The following PKD1L1 variants were observed in gnomAD, a reference collection of about 807,000 sequenced individuals.
PKD1L1 encodes the protein polycystin 1 like 1, transient receptor potential channel interacting.
A neutral mutation model predicts 323.4 loss-of-function variants in PKD1L1; 236 were observed. That is an observed-to-expected ratio of 0.73 (90% CI 0.66 to 0.81). The LOEUF is 0.81. Among genes scored for constraint, PKD1L1 ranks in the 40% least tolerant of loss-of-function variants. PKD1L1 has a pLI of 0.00. For synonymous variants in PKD1L1, 1,344 were observed against 1,335.0 expected, an observed-to-expected ratio of 1.01 and a Z score of -0.15; for missense variants, 3,320 against 3,508.0, an observed-to-expected ratio of 0.95 and a Z score of 1.35.
intron 14 of PKD1L1, among the ~76,000 whole-genome samples, chr7:47,894,906 C>T (rs1001012873): frequency 2.0e-5 from 3 of 151,866 alleles, no homozygotes; most frequent in Non-Finnish European, 4.4e-5. Flanking sequence ...CTAATACTTG[C>T]TATTCTTTCA....
In PKD1L1 at chr7:47,834,370, C is replaced by T. The variant is rs201911202; in HGVS notation, c.6143G>A (p.Gly2048Glu). Residue 2048 changes from glycine to glutamate, a missense_variant, in exon 40 of 57, where the codon GGA becomes GAA. Transcript: ENST00000289672. The part of the protein sequence containing the change: ...TEAPHGPNSW[G>E]RIPDAQEPRK... ...TGGCTCCTGTGCGTCTGGTATCCTT[C>T]CCCAGGAATTAGGACCTGATTCAAA... The T allele has an allele frequency of 1.9e-5, 31 of 1,613,886 alleles. No homozygotes were observed. Among genetic ancestry groups the T allele is most frequent in the Non-Finnish European group, 8.5e-6 (10 of 1,179,804 alleles).
At position 47,803,289 on chromosome 7, in the gene PKD1L1, T is replaced by TAGAC. The variant is rs759931520; in HGVS notation, c.7879_7882dup (p.Tyr2628CysfsTer83). The stretch of plus-strand genomic sequence containing the variant: ...CATTGTGTTTTGAATGCCAGGAAGA[T>TAGAC]AGACGCATTTTAATGTGAAGAGGAA... On this transcript the variant is annotated frameshift_variant, in exon 53 of 57. Coordinates refer to ENST00000289672, the MANE Select transcript of PKD1L1 (RefSeq NM_138295.5). LOFTEE classifies it high-confidence loss of function. The TAGAC allele has an allele frequency of 4.3e-6, 7 of 1,613,962 alleles. No individual in the cohort carries two copies. Among genetic ancestry groups the TAGAC allele is most frequent in the Non-Finnish European group, 5.1e-6 (6 of 1,180,040 alleles).
chr7:47,932,673 A>T (rs1199843382), intron 4 of PKD1L1, among the ~76,000 whole-genome samples: 13 of 152,036 alleles, frequency 8.6e-5, no homozygotes. Flanking sequence ...GAGGCACAGC[A>T]GGTTCCTTTC....
intron 18 of PKD1L1, among the ~76,000 whole-genome samples, chr7:47,884,889 G>A (rs1166818053): frequency 6.6e-6 from 1 of 152,088 alleles, no homozygotes; most frequent in Non-Finnish European, 1.5e-5. Context: ...AGCTCCAATA[G>A]GTGTGTGGTT....
Position 47,795,988 on chromosome 7 carries a change from C to A in PKD1L1, c.8355+1G>T. ...CAGTAATCCAAGATCTCACAGCTTA[C>A]GTGATTCTCAACCATCTCAGCCTCT... is the stretch of plus-strand genomic sequence containing the variant. On this transcript the variant is annotated splice_donor_variant, in intron 55 of 56. Transcript: ENST00000289672. LOFTEE classifies it high-confidence loss of function. The A allele has an allele frequency of 6.2e-7, 1 of 1,611,292 alleles. No individual in the cohort carries two copies. Among genetic ancestry groups the A allele is most frequent in the East Asian group, 2.2e-5 (1 of 44,850 alleles).
At chr7:47,949,622 A>T (rs1011017755), upstream of PKD1L1, among the ~76,000 whole-genome samples, 4 of 152,144 alleles carry the variant, frequency 2.6e-5, no homozygotes, top group African/African-American at 9.7e-5. Context: ...AGCACTTGTT[A>T]GTTGTCTTAG....
intron 26 of PKD1L1, among the ~76,000 whole-genome samples, chr7:47,863,253 G>T (rs775515066): frequency 6.6e-6 from 1 of 152,134 alleles, no homozygotes; most frequent in Non-Finnish European, 1.5e-5. Flanking sequence ...AAGGGGTTGG[G>T]GGAGGAGCCC....
At chr7:47,833,064 G>A in intron 41 of PKD1L1, 26 bp downstream of exon 41, 1 of 1,597,284 alleles carries the variant, frequency 6.3e-7, no homozygotes. Context: ...GGCAGGAAGG[G>A]GGCTGTGGTT....
intron 4 of PKD1L1, among the ~76,000 whole-genome samples, chr7:47,934,917 C>T (rs959966482): frequency 2.6e-5 from 4 of 152,146 alleles, no homozygotes; most frequent in African/African-American, 4.8e-5. Flanking sequence ...CCAAGCACTT[C>T]GGATTTGTAA....
At chr7:47,798,166 T>A (rs1009091600) in intron 54 of PKD1L1, among the ~76,000 whole-genome samples, 1 of 152,194 alleles carries the variant, frequency 6.6e-6, no homozygotes, top group African/African-American at 2.4e-5. Flanking sequence ...GGAGGACTCA[T>A]CCATGCTACT....
chr7:47,791,380 C>T (rs566538496), intron 56 of PKD1L1, among the ~76,000 whole-genome samples: 4 of 151,746 alleles, frequency 2.6e-5, no homozygotes, highest in East Asian at 3.9e-4. Flanking sequence ...CCATTTCTTT[C>T]CTCAACTCTG....
intron 49 of PKD1L1, among the ~76,000 whole-genome samples, chr7:47,812,288 C>A (rs1282867697): frequency 6.6e-6 from 1 of 151,946 alleles, no homozygotes; most frequent in African/African-American, 2.4e-5. Flanking sequence ...CCCAGGGGAC[C>A]CTCAGGCAGG....
rs374231314 is a variant in PKD1L1, at chr7:47,890,530, A to T, written c.2675+12T>A. The T allele has an allele frequency of 2.5e-6, 4 of 1,612,870 alleles. No homozygotes were observed. In the South Asian group the frequency reaches 4.4e-5, roughly 18 times the overall value. On this transcript the variant is annotated intron_variant, in intron 16 of 56. Transcript: ENST00000289672. Reference sequence around the variant, plus strand: ...CGGTGAGCTGAGCTGTGCTGAATACAGGGTCAGGTACCTGAACGCCGAGTC... The same window carrying T: ...CGGTGAGCTGAGCTGTGCTGAATACTGGGTCAGGTACCTGAACGCCGAGTC...
chr7:47,877,448 G>C (rs200926307), intron 22 of PKD1L1, 41 bp downstream of exon 22: 1 of 1,608,176 alleles, frequency 6.2e-7, no homozygotes, highest in South Asian at 1.1e-5. Flanking sequence ...AGATGCCACT[G>C]TCGGGGGTCT....
chr7:47,857,458 A>G (rs1343297155), intron 28 of PKD1L1, 147 bp downstream of exon 28: 1 of 657,602 alleles, frequency 1.5e-6, no homozygotes, highest in Non-Finnish European at 2.6e-6. Flanking sequence ...ACGTGTTCTA[A>G]GTGATCCCTC....
intron 21 of PKD1L1, among the ~76,000 whole-genome samples, chr7:47,880,267 TATATATATATATATATA>T (rs1786515609): frequency 2.8e-4 from 22 of 77,438 alleles, no homozygotes; most frequent in African/African-American, 7.3e-4. Context: ...TATATATACA[TATATATATATATATATA>T]TTTTTTTTTT....
Position 47,915,559 on chromosome 7 carries a change from G to A in PKD1L1, c.1101C>T (p.Ser367=), listed in dbSNP as rs1562988378. ...TTTGTGTCTCTGCTTCTTTGTAGGT[G>A]GACATATCCAACTGAAAATGTAAAA... ...FHLLHFQLDM[S]TYKEAETQNT... is the part of the protein sequence containing the mutation. The change falls in exon 8 of 57, where the codon TCC becomes TCT. Residue 367 remains serine, a synonymous_variant. Transcript: ENST00000289672. 7 of 1,553,098 alleles carry A rather than the reference G, an allele frequency of 4.5e-6. No individual in the cohort carries two copies. Among genetic ancestry groups the A allele is most frequent in the Non-Finnish European group, 4.4e-6 (5 of 1,130,808 alleles).
chr7:47,916,157 C>G (rs1227985748), intron 7 of PKD1L1, among the ~76,000 whole-genome samples: 2 of 152,170 alleles, frequency 1.3e-5, no homozygotes, highest in Non-Finnish European at 2.9e-5. Context: ...TGTTCTGCAC[C>G]AGCCATTTGA....
chr7:47,931,454 G>A, intron 5 of PKD1L1, 133 bp from the exon 6 acceptor site: 1 of 948,234 alleles, frequency 1.1e-6, no homozygotes, highest in Non-Finnish European at 1.6e-6. Context: ...ATTTGGGTGG[G>A]TGACCACAAA....
Sources: gnomAD v4.1 joint callset for allele counts (sites outside exome capture counted in the v4.1 genomes callset) on GRCh38, gnomAD v4.1.1 for gene constraint, MANE v1.5 for transcripts, NCBI Gene and HGNC (gene_info 2026-07-23, HGNC 2026-07-21) for gene names.